The following ITGAL variants were observed in gnomAD, a reference collection of about 807,000 sequenced individuals.
ITGAL encodes integrin alpha-L.
ITGAL carries 68 observed loss-of-function variants against 138.4 expected under a neutral mutation model. That is an observed-to-expected ratio of 0.49 (90% CI 0.40 to 0.60). ITGAL has a LOEUF of 0.60. Among genes scored for constraint, ITGAL ranks in the 20% least tolerant of loss-of-function variants. ITGAL has a pLI of 0.00. For missense variants in ITGAL, 1,256 were observed against 1,478.6 expected (o/e 0.85, Z 2.47); for synonymous variants, 561 against 584.3 (o/e 0.96, Z 0.57).
At chr16:30,502,220 A>G (rs1463579628) in intron 17 of ITGAL, among the ~76,000 whole-genome samples, 2 of 150,626 alleles carry the variant, frequency 1.3e-5, no homozygotes, top group African/African-American at 4.9e-5. Flanking sequence ...ACACGGTGAA[A>G]CCCCGTCTCT....
intron 11 of ITGAL, among the ~76,000 whole-genome samples, chr16:30,491,973 C>T (rs139793059): frequency 2.4e-4 from 36 of 152,282 alleles, no homozygotes; most frequent in African/African-American, 7.9e-4. Flanking sequence ...GAAGCGGTTC[C>T]GTCTCTTCAC....
chr16:30,488,310 A>G (rs1204376575), intron 9 of ITGAL, among the ~76,000 whole-genome samples: 1 of 152,106 alleles, frequency 6.6e-6, no homozygotes, highest in Non-Finnish European at 1.5e-5. Context: ...GTTTCTTAGC[A>G]TGGTTCATTA....
rs1417340959 is a variant in ITGAL, at chr16:30,513,851, G to A, written c.2862+5G>A. The A allele has an allele frequency of 1.9e-6, 3 of 1,600,280 alleles. No individual in the cohort carries two copies. Among genetic ancestry groups the A allele is most frequent in the Middle Eastern group, 1.7e-4 (1 of 6,026 alleles). ...CAAGTCAAGCACATGTACCAGGTAT[G>A]AATCCCAATGTGGAAGGTCCTTATA... is the stretch of plus-strand genomic sequence containing the variant. On this transcript the variant is annotated splice_donor_5th_base_variant and intron_variant, in intron 25 of 30. Coordinates refer to ENST00000356798, the MANE Select transcript of ITGAL (RefSeq NM_002209.3).
At chr16:30,493,878 C>T (rs563828835) in intron 11 of ITGAL, among the ~76,000 whole-genome samples, 1 of 152,066 alleles carries the variant, frequency 6.6e-6, no homozygotes, top group Non-Finnish European at 1.5e-5. Flanking sequence ...GGCAAGAGAG[C>T]GAGACTCTGT....
chr16:30,522,361 T>G lies in ITGAL; in HGVS notation c.*696T>G, dbSNP rs2051266431. 1 of 152,798 alleles carries G rather than the reference T, an allele frequency of 6.5e-6. No individual in the cohort carries two copies. The highest frequency in any genetic ancestry group is 2.4e-5 in the African/African-American group (1 of 41,456). The allele number at this position is 152,798 out of a possible 1,614,324, so 9.5% of individuals were successfully genotyped here. ...TTCCATCTCGCCACCCCTCCTTCCT[T>G]GACCAGCAGATCCCAGCTCACGTCA... On this transcript the variant is annotated 3_prime_UTR_variant, in exon 31 of 31. Coordinates refer to ENST00000356798, the MANE Select transcript of ITGAL (RefSeq NM_002209.3). This position sits in a 1 kb window ranked among gnomAD's most constrained non-coding sequence, Gnocchi z 4.0.
At chr16:30,511,270 G>C (rs1019522867) in intron 24 of ITGAL, 134 bp downstream of exon 24, 2 of 695,828 alleles carry the variant, frequency 2.9e-6, no homozygotes, top group Non-Finnish European at 5.1e-6. Context: ...AATTAGAACT[G>C]ATTCCAGCCA....
chr16:30,513,558 G>A (rs925010879), intron 24 of ITGAL, among the ~76,000 whole-genome samples: 8 of 152,188 alleles, frequency 5.3e-5, no homozygotes, highest in African/African-American at 1.9e-4. Context: ...ACTTCCCTGG[G>A]CTCCAGTCCT....
intron 20 of ITGAL, among the ~76,000 whole-genome samples, chr16:30,506,431 C>T (rs1427611524): frequency 1.3e-5 from 2 of 150,122 alleles, no homozygotes; most frequent in Admixed American, 6.7e-5. Context: ...TGGTGGTGGG[C>T]GCCCGTAGTC....
At chr16:30,512,451 G>A (rs2051103638) in intron 24 of ITGAL, among the ~76,000 whole-genome samples, 1 of 151,812 alleles carries the variant, frequency 6.6e-6, no homozygotes, top group East Asian at 2.0e-4. Flanking sequence ...GCTCGGCGTT[G>A]TGGCAGGCAC....
intron 4 of ITGAL, 45 bp from the exon 5 acceptor site, chr16:30,479,046 C>A (rs760019945): frequency 6.9e-7 from 1 of 1,452,712 alleles, no homozygotes; most frequent in East Asian, 2.3e-5. Flanking sequence ...CCAAAAGACA[C>A]ATAGCAAATA....
intron 21 of ITGAL, 108 bp downstream of exon 21, chr16:30,506,964 T>A: frequency 8.1e-7 from 1 of 1,230,188 alleles, no homozygotes; most frequent in Non-Finnish European, 1.2e-6. Context: ...CAGCTGCGGG[T>A]GGACAGGGGT....
intron 9 of ITGAL, among the ~76,000 whole-genome samples, chr16:30,485,676 T>A (rs1041821397): frequency 1.7e-4 from 8 of 47,534 alleles, no homozygotes; most frequent in Non-Finnish European, 2.6e-4. Context: ...CACACCTGGC[T>A]AATTTTTTTT....
chr16:30,517,741 G>C (rs774095028), intron 27 of ITGAL, 36 bp downstream of exon 27: 1 of 1,613,178 alleles, frequency 6.2e-7, no homozygotes, highest in African/African-American at 1.3e-5. Flanking sequence ...GTGGGGCTGG[G>C]CGGTACACGG....
chr16:30,484,136 G>A lies in ITGAL; in HGVS notation c.879G>A (p.Lys293=), dbSNP rs748123288. 7 of 1,613,910 alleles carry A rather than the reference G, an allele frequency of 4.3e-6. No individual in the cohort carries two copies. In the East Asian group the frequency reaches 1.3e-4, roughly 31 times the overall value. ...AGATTGGAAAGCATTTTCAGACCAA[G>A]GAGAGTCAGGAGACCCTCCACAAAT... ...IIGIGKHFQT[K]ESQETLHKFA... is the part of the protein sequence containing the mutation. The change falls in exon 9 of 31, where the codon AAG becomes AAA. Residue 293 remains lysine (K), a synonymous_variant. Coordinates refer to ENST00000356798, the MANE Select transcript of ITGAL (RefSeq NM_002209.3).
At chr16:30,516,822 C>T (rs2051172861) in intron 25 of ITGAL, 151 bp from the exon 26 acceptor site, 1 of 682,566 alleles carries the variant, frequency 1.5e-6, no homozygotes, top group South Asian at 1.6e-5. Context: ...GGAAGCTGGC[C>T]ATGCCCAGTC....
Position 30,499,365 on chromosome 16 carries a change from C to A in ITGAL, c.2021C>A (p.Thr674Asn). Reference sequence around the variant, plus strand: ...CGCCTGGTTGCCAATCTCACTTACACTCTGCAGCTGGATGGCCACCGGACC... The same window carrying A: ...CGCCTGGTTGCCAATCTCACTTACAATCTGCAGCTGGATGGCCACCGGACC... ...QGRLVANLTY[T>N]LQLDGHRTRR... Residue 674 changes from threonine (T) to asparagine (N), a missense_variant, in exon 17 of 31, where the codon ACT becomes AAT. Transcript: ENST00000356798. 6.2e-7 allele frequency: 1 copy of A among 1,614,122 alleles called. No individual in the cohort carries two copies. The highest frequency in any genetic ancestry group is 8.5e-7 in the Non-Finnish European group (1 of 1,180,032).
chr16:30,500,707 A>C (rs1438037597), intron 17 of ITGAL, among the ~76,000 whole-genome samples: 1 of 151,914 alleles, frequency 6.6e-6, no homozygotes, highest in Non-Finnish European at 1.5e-5. Flanking sequence ...GCACCACCAC[A>C]TCTGGATAAT....
intron 1 of ITGAL, 41 bp downstream of exon 1, chr16:30,472,939 G>T: frequency 1.3e-6 from 2 of 1,586,456 alleles, no homozygotes; most frequent in South Asian, 2.2e-5. Context: ...ATGTGTCTGT[G>T]ACCAGAGAAA....
intron 25 of ITGAL, among the ~76,000 whole-genome samples, chr16:30,514,742 T>C (rs932734329): frequency 4.6e-5 from 7 of 152,196 alleles, no homozygotes; most frequent in Admixed American, 3.9e-4. Context: ...GTTAGGTATT[T>C]AGCTAGGTGC....
Sources: allele counts gnomAD v4.1 joint callset (sites outside exome capture counted in the v4.1 genomes callset), GRCh38; gene constraint gnomAD v4.1.1; non-coding constraint Gnocchi (gnomAD v3.1); transcripts MANE v1.5; gene names NCBI Gene and HGNC (gene_info 2026-07-23, HGNC 2026-07-21).